Variants in ARHGAP24 observed in about 807,000 individuals in gnomAD.
ARHGAP24 encodes Rho GTPase activating protein 24, also known as rho GTPase-activating protein 24.
A neutral mutation model predicts 76.4 loss-of-function variants in ARHGAP24; 50 were observed. The ratio of observed to expected loss-of-function variants is 0.65; its 90% CI spans 0.52 to 0.83. The LOEUF is 0.83. Ranked by LOEUF, ARHGAP24 falls within the 40% of genes least tolerant of loss-of-function variation. The pLI is 0.00. For synonymous variants in ARHGAP24, 345 were observed against 323.3 expected (o/e 1.07, Z -0.72); for missense variants, 930 against 914.2 (o/e 1.02, Z -0.22).
intron 3 of ARHGAP24, among the ~76,000 whole-genome samples, chr4:85,762,966 A>G: frequency 6.6e-6 from 1 of 152,214 alleles, no homozygotes; most frequent in East Asian, 1.9e-4. Flanking sequence ...ATTTAGTGAC[A>G]CAATAGCTTA....
At chr4:85,479,064 G>T (rs542211044) in intron 1 of ARHGAP24, among the ~76,000 whole-genome samples, 1 of 152,110 alleles carries the variant, frequency 6.6e-6, no homozygotes, top group Non-Finnish European at 1.5e-5. Flanking sequence ...AAGTGAAGTC[G>T]TCAATAAATG....
Position 85,810,847 on chromosome 4 carries a change from A to T in ARHGAP24, c.268+88875A>T, listed in dbSNP as rs555907156. ...TTTGGGACATTGTCACAAACAATTT[A>T]TTAATGTTATTAATTTTATTAAAAC... On this transcript the variant is annotated intron_variant, in intron 3 of 9. Transcript: ENST00000395184. Among the ~76,000 whole-genome samples the T allele has an allele frequency of 3.3e-5, 5 of 152,330 alleles. No individual in the cohort carries two copies. The East Asian group carries it at 9.6e-4, about 29-fold the overall frequency.
At chr4:85,645,960 A>G (rs895594146) in intron 2 of ARHGAP24, among the ~76,000 whole-genome samples, 4 of 152,066 alleles carry the variant, frequency 2.6e-5, no homozygotes, top group African/African-American at 9.7e-5. Context: ...TCATTATACA[A>G]ATATTTTCAA....
intron 1 of ARHGAP24, among the ~76,000 whole-genome samples, chr4:85,557,749 T>A (rs1560531943): frequency 6.6e-6 from 1 of 152,206 alleles, no homozygotes; most frequent in Non-Finnish European, 1.5e-5. Context: ...ATTTCTGTAA[T>A]CATTTCCTAG....
chr4:85,774,077 A>C (rs1020589995), intron 3 of ARHGAP24, among the ~76,000 whole-genome samples: 12 of 152,190 alleles, frequency 7.9e-5, no homozygotes, highest in African/African-American at 2.9e-4. Flanking sequence ...GCACTTAGGG[A>C]AAGCCATTCT....
At chr4:85,534,677 C>A (rs1725395898) in intron 1 of ARHGAP24, among the ~76,000 whole-genome samples, 1 of 152,072 alleles carries the variant, frequency 6.6e-6, no homozygotes, top group Non-Finnish European at 1.5e-5. Flanking sequence ...CCCCACATTG[C>A]CATATTGTTC....
chr4:85,762,408 G>A (rs946881924), intron 3 of ARHGAP24, among the ~76,000 whole-genome samples: 4 of 152,088 alleles, frequency 2.6e-5, no homozygotes, highest in Non-Finnish European at 4.4e-5. Context: ...TCCAGGAGAG[G>A]GAAAACACAT....
At chr4:85,665,894 C>G (rs1288881261) in intron 2 of ARHGAP24, among the ~76,000 whole-genome samples, 2 of 152,216 alleles carry the variant, frequency 1.3e-5, no homozygotes, top group East Asian at 3.8e-4. Flanking sequence ...TGCTGTTAGT[C>G]TGATGGGCTT....
intron 2 of ARHGAP24, among the ~76,000 whole-genome samples, chr4:85,710,651 A>G (rs758771589): frequency 6.6e-6 from 1 of 152,146 alleles, no homozygotes; most frequent in Non-Finnish European, 1.5e-5. Context: ...AAGTGGACAA[A>G]TGGCATGACC....
At chr4:85,805,897 A>C (rs1728770868) in intron 3 of ARHGAP24, among the ~76,000 whole-genome samples, 1 of 152,194 alleles carries the variant, frequency 6.6e-6, no homozygotes, top group Non-Finnish European at 1.5e-5. Context: ...TCTCTCTAGA[A>C]GAATGCACAT....
At chr4:85,683,124 G>GGGT (rs1578137633) in intron 2 of ARHGAP24, among the ~76,000 whole-genome samples, 1 of 110,046 alleles carries the variant, frequency 9.1e-6, no homozygotes, top group East Asian at 4.0e-4. Context: ...GGGTGGGGGG[G>GGGT]GGGTGCGGGG....
chr4:85,682,678 C>T (rs1204564854), intron 2 of ARHGAP24, among the ~76,000 whole-genome samples: 1 of 152,140 alleles, frequency 6.6e-6, no homozygotes, highest in Non-Finnish European at 1.5e-5. Context: ...ATATTACTGC[C>T]ACTTTATGCG....
chr4:85,623,037 T>C (rs987184676), intron 2 of ARHGAP24, among the ~76,000 whole-genome samples: 10 of 152,136 alleles, frequency 6.6e-5, no homozygotes, highest in African/African-American at 1.2e-4. Context: ...TTTTCTCCCA[T>C]TCTGTAGGTT....
intron 2 of ARHGAP24, among the ~76,000 whole-genome samples, chr4:85,625,588 C>T (rs953988160): frequency 3.3e-5 from 5 of 152,166 alleles, no homozygotes; most frequent in Non-Finnish European, 7.3e-5. Flanking sequence ...TCTATTAGGT[C>T]TGCTTGGTGC....
intron 2 of ARHGAP24, among the ~76,000 whole-genome samples, chr4:85,683,123 G>A (rs1302785849): frequency 1.8e-5 from 2 of 112,480 alleles, no homozygotes; most frequent in African/African-American, 6.4e-5. Flanking sequence ...GGGGTGGGGG[G>A]GGGGTGCGGG....
chr4:85,591,063 A>AGAT (rs1728085887), intron 2 of ARHGAP24, among the ~76,000 whole-genome samples: 1 of 48,194 alleles, frequency 2.1e-5, no homozygotes, highest in East Asian at 6.4e-4. Flanking sequence ...TTTTTTTTTG[A>AGAT]GATGGAGTTT....
intron 3 of ARHGAP24, among the ~76,000 whole-genome samples, chr4:85,912,134 T>C (rs1735122335): frequency 6.6e-6 from 1 of 152,196 alleles, no homozygotes; most frequent in South Asian, 2.1e-4. Flanking sequence ...TTGAAATATG[T>C]TTATATCAAA....
intron 2 of ARHGAP24, among the ~76,000 whole-genome samples, chr4:85,583,074 A>C (rs1418564533): frequency 6.6e-6 from 1 of 152,136 alleles, no homozygotes; most frequent in Non-Finnish European, 1.5e-5. Flanking sequence ...TCTGTCAAAA[A>C]ATTTGAAAAT....
intron 1 of ARHGAP24, among the ~76,000 whole-genome samples, chr4:85,565,214 A>G (rs900023889): frequency 2.6e-5 from 4 of 151,938 alleles, no homozygotes; most frequent in African/African-American, 9.7e-5. Context: ...AAATAAGAAA[A>G]AGTAGAATTT....
Sources: gnomAD v4.1 joint callset for allele counts (sites outside exome capture counted in the v4.1 genomes callset) on GRCh38, gnomAD v4.1.1 for gene constraint, MANE v1.5 for transcripts, NCBI Gene and HGNC (gene_info 2026-07-23, HGNC 2026-07-21) for gene names.